The following GCLC variants were observed in gnomAD, a reference collection of about 807,000 sequenced individuals.
GCLC encodes the protein glutamate-cysteine ligase catalytic subunit.
GCLC carries 30 observed loss-of-function variants against 81.5 expected under a neutral mutation model. The observed-to-expected ratio is 0.37, with a 90% CI of 0.28 to 0.50. The LOEUF is 0.50. Among genes scored for constraint, GCLC ranks in the 20% least tolerant of loss-of-function variants. The pLI, the probability that GCLC is intolerant of heterozygous loss-of-function variation, is 0.96. For synonymous variants in GCLC, 262 were observed against 273.3 expected, an observed-to-expected ratio of 0.96 and a Z score of 0.41; for missense variants, 556 against 777.4, an observed-to-expected ratio of 0.72 and a Z score of 3.39.
Position 53,507,478 on chromosome 6 carries a change from A to G in GCLC, c.1084+2T>C. 1 of 1,613,190 alleles carries G rather than the reference A, an allele frequency of 6.2e-7. No homozygotes were observed. The highest frequency in any genetic ancestry group is 8.5e-7 in the Non-Finnish European group (1 of 1,179,520). ...ACCCAGAAAGATGGAGTAGAAACCC[A>G]CCTTCCTGCAACAGCTGTTCGTAGA... On this transcript the variant is annotated splice_donor_variant, in intron 9 of 15. Coordinates refer to ENST00000650454, the MANE Select transcript of GCLC (RefSeq NM_001498.4). LOFTEE classifies it high-confidence loss of function.
chr6:53,500,183 C>T lies in GCLC; in HGVS notation c.1582-18G>A, dbSNP rs771176094. 6.2e-7 allele frequency: 1 copy of T among 1,614,072 alleles called. No individual in the cohort carries two copies. The highest frequency in any genetic ancestry group is 2.2e-5 in the East Asian group (1 of 44,878). ...ACACCTTCCTACAAGAAGCAGGACACTTTATGAACTCCCTGCCGGGGGATG... is the reference window on the plus strand; with the variant it reads ...ACACCTTCCTACAAGAAGCAGGACATTTTATGAACTCCCTGCCGGGGGATG... On this transcript the variant is annotated intron_variant, in intron 14 of 15. Transcript: ENST00000650454.
rs1764620048 is a variant in GCLC at position 53,506,629 on chromosome 6, C to T, written c.1197+284G>A. Among the ~76,000 whole-genome samples, 1 of 151,388 alleles carries T rather than the reference C, an allele frequency of 6.6e-6. No individual in the cohort carries two copies. The highest frequency in any genetic ancestry group is 1.5e-5 in the Non-Finnish European group (1 of 67,918). On this transcript the variant is annotated intron_variant, in intron 10 of 15. Transcript: ENST00000650454. The surrounding 1 kb of genome is among the most constrained non-coding windows in gnomAD (Gnocchi z 4.0). ...CAGTGTATGTTTGAATTTTTCACCA[C>T]TAGGCAAATAAGAAAATACTGAACA... is the stretch of plus-strand genomic sequence containing the variant.
chr6:53,517,477 C>T (rs905720822), intron 3 of GCLC, among the ~76,000 whole-genome samples: 1 of 151,910 alleles, frequency 6.6e-6, no homozygotes, highest in Non-Finnish European at 1.5e-5. Flanking sequence ...ACCTTGTAAA[C>T]AATTGAAGGT....
At position 53,498,810 on chromosome 6, in the gene GCLC, T is replaced by C. The variant is rs775555756; in HGVS notation, c.1860A>G (p.Gly620=). The C allele has an allele frequency of 1.3e-5, 21 of 1,613,512 alleles. No individual in the cohort carries two copies. The South Asian group carries it at 2.3e-4, about 18-fold the overall frequency. The stretch of plus-strand genomic sequence containing the variant: ...TATATTTTACTTTCCTAAATGCTGA[T>C]CCAAGTAACTCTGGGCATTCACATA... ...NELCECPELL[G]SAFRKVKYSG... The change falls in exon 16 of 16, where the codon GGA becomes GGG. Residue 620 remains glycine (G), a synonymous_variant. Coordinates refer to ENST00000650454, the MANE Select transcript of GCLC (RefSeq NM_001498.4).
At chr6:53,526,680 C>A (rs1294392688) in intron 1 of GCLC, among the ~76,000 whole-genome samples, 3 of 151,904 alleles carry the variant, frequency 2.0e-5, no homozygotes, top group Admixed American at 6.6e-5. Flanking sequence ...CGCCTGTAGT[C>A]CCAGCTACTA....
intron 3 of GCLC, among the ~76,000 whole-genome samples, chr6:53,518,994 C>T (rs896706145): frequency 9.2e-5 from 14 of 152,296 alleles, no homozygotes; most frequent in African/African-American, 9.6e-5. Flanking sequence ...CCAGCACCCA[C>T]GGGCATCCAG....
intron 1 of GCLC, among the ~76,000 whole-genome samples, chr6:53,532,463 C>T (rs1426730107): frequency 1.3e-5 from 2 of 152,162 alleles, no homozygotes; most frequent in Non-Finnish European, 2.9e-5. Flanking sequence ...AGTAGTGGAG[C>T]CAACAGATCA....
chr6:53,508,586 A>T lies in GCLC; in HGVS notation c.945+9T>A. Reference sequence around the variant, plus strand: ...CTTAAAAGGGCTATTAAGGAAAAACAATTCCCACCTCCAGTCCTCGCTCCT... The same window carrying T: ...CTTAAAAGGGCTATTAAGGAAAAACTATTCCCACCTCCAGTCCTCGCTCCT... On this transcript the variant is annotated intron_variant, in intron 8 of 15. Transcript: ENST00000650454. 1 of 1,530,976 alleles carries T rather than the reference A, an allele frequency of 6.5e-7. No individual in the cohort carries two copies. Among genetic ancestry groups the T allele is most frequent in the Non-Finnish European group, 9.1e-7 (1 of 1,103,970 alleles). 94.8% of individuals were successfully genotyped at this position (1,530,976 alleles called of 1,614,324 possible).
At chr6:53,519,047 T>A (rs529238458) in intron 3 of GCLC, among the ~76,000 whole-genome samples, 133 of 152,256 alleles carry the variant, frequency 8.7e-4, no homozygotes, top group African/African-American at 3.1e-3. Context: ...ACTCACCTCC[T>A]AGTAAGCCCT....
chr6:53,500,359 G>A lies in GCLC; in HGVS notation c.1478-9C>T, dbSNP rs780481621. ...CACCACTGCATTGCCACCTGCCGGA[G>A]AAGAGGGTCAGGGGAGCTTTAGCAG... On this transcript the variant is annotated splice_polypyrimidine_tract_variant and intron_variant, in intron 13 of 15. Transcript: ENST00000650454. 4 of 1,613,510 alleles carry A rather than the reference G, an allele frequency of 2.5e-6. No individual in the cohort carries two copies. Among genetic ancestry groups the A allele is most frequent in the East Asian group, 2.2e-5 (1 of 44,872 alleles).
At position 53,508,614 on chromosome 6, in the gene GCLC, C is replaced by A. The variant is rs1458790053; in HGVS notation, c.926G>T (p.Arg309Leu). ...TCCCACCTCCAGTCCTCGCTCCTCC[C>A]GAGTTCTATCATCTACAGATGCAGA... ...VISASVDDRT[R>L]EERGLEPLKN... Residue 309 changes from arginine to leucine, a missense_variant, in exon 8 of 16, where the codon CGG becomes CTG. Physicochemically the swap from Arg to Leu is moderately radical, Grantham distance 102. Transcript: ENST00000650454. The A allele has an allele frequency of 1.9e-6, 3 of 1,608,224 alleles. No individual in the cohort carries two copies. Among genetic ancestry groups the A allele is most frequent in the Non-Finnish European group, 2.6e-6 (3 of 1,174,750 alleles).
chr6:53,514,340 G>A lies in GCLC; in HGVS notation c.620-3C>T. On this transcript the variant is annotated splice_polypyrimidine_tract_variant and splice_region_variant and intron_variant, in intron 5 of 15. Coordinates refer to ENST00000650454, the MANE Select transcript of GCLC (RefSeq NM_001498.4). ...TGGTGTATTCTTGTCCTTAAATACT[G>A]TATTATAAAAATACAAAAATAAAAA... 1 of 1,588,732 alleles carries A rather than the reference G, an allele frequency of 6.3e-7. No homozygotes were observed.
chr6:53,530,352 C>T (rs1763151165), intron 1 of GCLC, among the ~76,000 whole-genome samples: 1 of 152,212 alleles, frequency 6.6e-6, no homozygotes, highest in South Asian at 2.1e-4. Context: ...ATCCCACCAA[C>T]AGAGTAACTG....
chr6:53,505,616 C>A, intron 11 of GCLC, 120 bp from the exon 12 acceptor site: 1 of 753,720 alleles, frequency 1.3e-6, no homozygotes, highest in South Asian at 1.5e-5. Flanking sequence ...CCATCTGGGT[C>A]TGGAAGCCCT....
intron 1 of GCLC, chr6:53,522,860 A>G (rs1209990072): frequency 4.1e-6 from 1 of 242,384 alleles, no homozygotes; most frequent in Non-Finnish European, 8.1e-6. Flanking sequence ...GTAAAAAAGA[A>G]GCTGCATTTT....
chr6:53,543,509 A>G (rs1024586084), intron 1 of GCLC, among the ~76,000 whole-genome samples: 2 of 152,182 alleles, frequency 1.3e-5, no homozygotes, highest in Non-Finnish European at 2.9e-5. Flanking sequence ...GCACGTCAGC[A>G]CTTAGGCCAA....
At chr6:53,509,580 C>T (rs1402249743) in intron 6 of GCLC, 2 of 403,728 alleles carry the variant, frequency 5.0e-6, no homozygotes, top group East Asian at 1.1e-4. Context: ...GGCTTGTTGC[C>T]TTCCTATCCC....
intron 6 of GCLC, among the ~76,000 whole-genome samples, chr6:53,511,680 GA>G (rs889045458): frequency 4.7e-5 from 7 of 149,592 alleles, no homozygotes; most frequent in African/African-American, 7.4e-5. Flanking sequence ...TTAATGGAAG[GA>G]AAAAAAGTTC....
At chr6:53,541,879 T>G (rs1342173876) in intron 1 of GCLC, among the ~76,000 whole-genome samples, 1 of 152,162 alleles carries the variant, frequency 6.6e-6, no homozygotes, top group Non-Finnish European at 1.5e-5. Flanking sequence ...AATCTTTTTT[T>G]GGGGTAGGGG....
Sources: gnomAD v4.1 joint callset for allele counts (sites outside exome capture counted in the v4.1 genomes callset) on GRCh38, gnomAD v4.1.1 for gene constraint, Gnocchi (gnomAD v3.1) non-coding constraint, MANE v1.5 for transcripts, NCBI Gene and HGNC (gene_info 2026-07-23, HGNC 2026-07-21) for gene names.